SYT7: variants seen among roughly 807,000 people sequenced by gnomAD.
The protein encoded by SYT7 is synaptotagmin-7.
Under a neutral mutation model 75.1 loss-of-function variants are expected in SYT7, and 29 were observed. The observed-to-expected ratio is 0.39, with a 90% confidence interval of 0.29 to 0.53. SYT7 has a LOEUF of 0.53. Among genes scored for constraint, SYT7 ranks in the 20% least tolerant of loss-of-function variants. The probability of loss-of-function intolerance (pLI) is 0.77; values close to 1 mark genes in which losing one functional copy is unlikely to be tolerated. For missense variants in SYT7, 693 were observed against 953.2 expected, an observed-to-expected ratio of 0.73 and a Z score of 3.59; for synonymous variants, 376 against 401.7, an observed-to-expected ratio of 0.94 and a Z score of 0.76.
At chr11:61,548,642 A>G (rs1311361008) in intron 3 of SYT7, among the ~76,000 whole-genome samples, 4 of 152,174 alleles carry the variant, frequency 2.6e-5, no homozygotes, top group African/African-American at 9.7e-5. Flanking sequence ...AAGGTGGGGC[A>G]GTGTGGGGAA....
At chr11:61,568,723 C>T (rs75510802) in intron 1 of SYT7, among the ~76,000 whole-genome samples, 1 of 152,204 alleles carries the variant, frequency 6.6e-6, no homozygotes, top group Non-Finnish European at 1.5e-5. Context: ...TCCAGCCCCC[C>T]ACCATCCTCA....
chr11:61,547,656 C>G (rs867207252), intron 3 of SYT7, among the ~76,000 whole-genome samples: 1 of 142,936 alleles, frequency 7.0e-6, no homozygotes, highest in Non-Finnish European at 1.5e-5. Flanking sequence ...AGGAGGGGGA[C>G]AGAGGGGAGA....
intron 12 of SYT7, among the ~76,000 whole-genome samples, chr11:61,521,759 C>A (rs1019210825): frequency 8.5e-5 from 13 of 152,352 alleles, no homozygotes; most frequent in Admixed American, 6.5e-4. Flanking sequence ...CCTGGCATCT[C>A]CCCTTCCTCC....
chr11:61,532,907 A>G (rs2135150279), intron 8 of SYT7, 82 bp downstream of exon 8: 1 of 1,562,942 alleles, frequency 6.4e-7, no homozygotes, highest in African/African-American at 1.4e-5. Context: ...GCTGTTAATC[A>G]TTCCCACACA....
At chr11:61,527,399 G>C (rs569503047) in intron 9 of SYT7, among the ~76,000 whole-genome samples, 1 of 152,328 alleles carries the variant, frequency 6.6e-6, no homozygotes, top group Admixed American at 6.5e-5. Context: ...CTTGCCCAAG[G>C]TCACGCAGCG....
At chr11:61,550,455 T>G (rs1590901488) in intron 3 of SYT7, among the ~76,000 whole-genome samples, 2 of 140,896 alleles carry the variant, frequency 1.4e-5, no homozygotes, top group Non-Finnish European at 1.6e-5. Flanking sequence ...AGGGGGAGGG[T>G]GGCTGGGCCT....
At chr11:61,532,940 G>C in intron 8 of SYT7, 49 bp downstream of exon 8, 2 of 1,603,886 alleles carry the variant, frequency 1.2e-6, no homozygotes, top group Non-Finnish European at 1.7e-6. Context: ...TCCTGCCCCT[G>C]GCCTCCCAGC....
chr11:61,519,511 C>A (rs982252029), intron 12 of SYT7, among the ~76,000 whole-genome samples: 1 of 152,246 alleles, frequency 6.6e-6, no homozygotes, highest in African/African-American at 2.4e-5. Context: ...ATGGGAAAGA[C>A]TGAGAAACTG....
intron 6 of SYT7, chr11:61,540,490 T>C (rs1036706311): frequency 3.1e-6 from 3 of 983,468 alleles, no homozygotes. Flanking sequence ...TCTGGACCTT[T>C]CTAGGAAAAG....
Position 61,576,660 on chromosome 11 carries a change from G to C in SYT7, c.31+4130C>G, listed in dbSNP as rs189442125. Among the ~76,000 whole-genome samples the C allele has an allele frequency of 6.6e-6, 1 of 151,186 alleles. No individual in the cohort carries two copies. The highest frequency in any genetic ancestry group is 2.0e-4 in the East Asian group (1 of 5,100). ...GGAACCAGTTATTGAAAACGAAAAC[G>C]GTCCATCAGATTCAATAAGGATTCA... On this transcript the variant is annotated intron_variant, in intron 1 of 12. Coordinates refer to ENST00000539008, the MANE Select transcript of SYT7 (RefSeq NM_001365809.2). This position sits in a 1 kb window ranked among gnomAD's most constrained non-coding sequence, Gnocchi z 4.1.
chr11:61,543,422 T>C (rs1282918801), intron 5 of SYT7, among the ~76,000 whole-genome samples: 1 of 152,170 alleles, frequency 6.6e-6, no homozygotes, highest in Non-Finnish European at 1.5e-5. Flanking sequence ...CAAAGGCCCA[T>C]CAGTAATCTC....
chr11:61,572,407 G>A (rs966428593), intron 1 of SYT7, among the ~76,000 whole-genome samples: 2 of 152,214 alleles, frequency 1.3e-5, no homozygotes, highest in Non-Finnish European at 2.9e-5. Flanking sequence ...GAGACGGGCT[G>A]AGAGACGGGC....
rs183271811 is a variant in SYT7, at chr11:61,541,638, G to A, written c.941+573C>T. Among the ~76,000 whole-genome samples, 29 of 152,128 alleles carry A rather than the reference G, an allele frequency of 1.9e-4. No homozygotes were observed. In the East Asian group the frequency reaches 5.4e-3, roughly 28 times the overall value. Reference sequence around the variant, plus strand: ...GGAAGGAGACTTGGGAAGTCAGGGCGGGAGCTGGAGGACAGGTGGCTATAG... The same window carrying A: ...GGAAGGAGACTTGGGAAGTCAGGGCAGGAGCTGGAGGACAGGTGGCTATAG... On this transcript the variant is annotated intron_variant, in intron 6 of 12. Transcript: ENST00000539008.
chr11:61,568,925 C>A (rs1281567934), intron 1 of SYT7, among the ~76,000 whole-genome samples: 2 of 152,198 alleles, frequency 1.3e-5, no homozygotes, highest in Non-Finnish European at 2.9e-5. Context: ...AAATGGCTTG[C>A]CCCAAGTCAC....
At chr11:61,544,954 T>G (rs2063143445) in intron 5 of SYT7, among the ~76,000 whole-genome samples, 1 of 152,112 alleles carries the variant, frequency 6.6e-6, no homozygotes. Flanking sequence ...GGACCCTCAG[T>G]TGAGGCAACA....
rs573703063 is a variant in SYT7, at chr11:61,580,197, C to T, written c.31+593G>A. On this transcript the variant is annotated intron_variant, in intron 1 of 12. Coordinates refer to ENST00000539008, the MANE Select transcript of SYT7 (RefSeq NM_001365809.2). The surrounding 1 kb of genome is among the most constrained non-coding windows in gnomAD (Gnocchi z 6.1). ...TTGGCACCCCCATTCTCATGAGCCC[C>T]TGCTCTCTTTCCCTTCAGGCACCCC... Among the ~76,000 whole-genome samples, 533 of 151,880 alleles carry T rather than the reference C, an allele frequency of 3.5e-3. 4 individuals carry two copies. Among genetic ancestry groups the T allele is most frequent in the African/African-American group, 0.012 (477 of 41,388 alleles).
chr11:61,546,111 C>T lies in SYT7; in HGVS notation c.492G>A (p.Pro164=), dbSNP rs1050753063. 22 of 1,530,022 alleles carry T rather than the reference C, an allele frequency of 1.4e-5. No homozygotes were observed. Among genetic ancestry groups the T allele is most frequent in the African/African-American group, 5.5e-5 (4 of 72,414 alleles). The allele number at this position is 1,530,022 out of a possible 1,614,324, so 94.8% of individuals were successfully genotyped here. ...CTCTCCCCGCCTTGCCACCGCTGCC[C>T]GGCTCGCTGGGGGCAGCCCCGCCGC... is the stretch of plus-strand genomic sequence containing the variant. ...LRSGGAAPSE[P]GSGGKAGRGR... is the part of the protein sequence containing the mutation. Residue 164 remains proline (P), a synonymous_variant, in exon 5 of 13, where the codon CCG becomes CCA. Transcript: ENST00000539008. The surrounding 1 kb of genome is among the most constrained non-coding windows in gnomAD (Gnocchi z 7.6).
intron 9 of SYT7, chr11:61,526,217 A>T (rs2062511663): frequency 6.6e-6 from 1 of 152,174 alleles, no homozygotes; most frequent in African/African-American, 2.4e-5. Flanking sequence ...CTTTCCTCAT[A>T]TTGTGGGAAG....
intron 1 of SYT7, among the ~76,000 whole-genome samples, chr11:61,558,825 C>T (rs1333411363): frequency 1.3e-5 from 2 of 152,150 alleles, no homozygotes; most frequent in Non-Finnish European, 2.9e-5. Context: ...TCACTGCAAC[C>T]TCCACCTCCA....
Sources: allele counts gnomAD v4.1 joint callset (sites outside exome capture counted in the v4.1 genomes callset), GRCh38; gene constraint gnomAD v4.1.1; non-coding constraint Gnocchi (gnomAD v3.1); transcripts MANE v1.5; gene names NCBI Gene and HGNC (gene_info 2026-07-23, HGNC 2026-07-21).